Variants in CA5B observed in about 807,000 individuals in gnomAD.
The protein encoded by CA5B is carbonic anhydrase 5B, mitochondrial.
CA5B carries 15 observed loss-of-function variants against 23.1 expected under a neutral mutation model. The ratio of observed to expected loss-of-function variants is 0.65; its 90% CI spans 0.43 to 1.00. CA5B has a LOEUF of 1.00. Ranked by LOEUF, CA5B falls within the 50% of genes least tolerant of loss-of-function variation. The pLI is 0.00. For synonymous variants in CA5B, 84 were observed against 98.5 expected (o/e 0.85, Z 0.87); for missense variants, 236 against 252.2 (o/e 0.94, Z 0.43).
Position 15,744,314 on chromosome X carries a change from C to T in CA5B, c.-53-5657C>T, listed in dbSNP as rs754786328. The stretch of plus-strand genomic sequence containing the variant: ...TCATTTCCCAGATGTCTCTGAATGC[C>T]ATGCTAACAGGCCTCAGACCCACCC... On this transcript the variant is annotated intron_variant, in intron 1 of 7. Coordinates refer to ENST00000318636, the MANE Select transcript of CA5B (RefSeq NM_007220.4). Among the ~76,000 whole-genome samples the T allele has an allele frequency of 2.7e-5, 3 of 112,777 alleles. No homozygotes were observed. The South Asian group carries it at 1.1e-3, about 41-fold the overall frequency.
rs958237406 is a variant in CA5B, at chrX:15,772,559, C to T, written c.404C>T (p.Ala135Val). 6 of 1,207,556 alleles carry T rather than the reference C, an allele frequency of 5.0e-6. No homozygotes were observed. Among genetic ancestry groups the T allele is most frequent in the Non-Finnish European group, 6.7e-6 (6 of 892,438 alleles). Residue 135 changes from alanine to valine, a missense_variant, in exon 4 of 8, where the codon GCC (alanine) becomes GTC (valine). This residue lies in a region of CA5B where 170 missense variants were observed against 162.0 expected (regional missense o/e 1.05). Coordinates refer to ENST00000318636, the MANE Select transcript of CA5B (RefSeq NM_007220.4). Reference sequence around the variant, plus strand: ...AAGCAGTTCCATTTTCACTGGGGGGCCATCGATGCCTGGGGTTCTGAGCAC... The same window carrying T: ...AAGCAGTTCCATTTTCACTGGGGGGTCATCGATGCCTGGGGTTCTGAGCAC... Reference protein sequence around the residue: ...RLKQFHFHWGAIDAWGSEHTV... With the variant: ...RLKQFHFHWGVIDAWGSEHTV...
chrX:15,748,892 A>T (rs190264882), intron 1 of CA5B, among the ~76,000 whole-genome samples: 1 of 111,501 alleles, frequency 9.0e-6, no homozygotes, highest in East Asian at 2.8e-4. Flanking sequence ...TCTATGAAAA[A>T]TACAAAAAAG....
chrX:15,760,663 A>G (rs1262188628), intron 2 of CA5B, among the ~76,000 whole-genome samples: 2 of 111,440 alleles, frequency 1.8e-5, no homozygotes, highest in East Asian at 5.7e-4. Flanking sequence ...TTGTCACAGG[A>G]GACCCTCATT....
chrX:15,769,440 T>C, intron 3 of CA5B: 1 of 746,454 alleles, frequency 1.3e-6, no homozygotes, highest in Non-Finnish European at 1.6e-6. Flanking sequence ...CCCTGGATGA[T>C]CCCTGTCAAT....
chrX:15,767,451 G>T (rs1931730859), intron 3 of CA5B, among the ~76,000 whole-genome samples: 1 of 108,722 alleles, frequency 9.2e-6, no homozygotes, highest in Non-Finnish European at 1.9e-5. Flanking sequence ...GTCCAGGCTG[G>T]AGTGCAGTGG....
At chrX:15,741,609 C>T (rs1248075276) in intron 1 of CA5B, among the ~76,000 whole-genome samples, 1 of 109,712 alleles carries the variant, frequency 9.1e-6, no homozygotes, top group Non-Finnish European at 1.9e-5. Context: ...CTCCCGAGTA[C>T]AGGCGCCCGC....
intron 3 of CA5B, among the ~76,000 whole-genome samples, chrX:15,766,598 A>G (rs1202184869): frequency 2.7e-5 from 3 of 111,147 alleles, no homozygotes; most frequent in Admixed American, 9.6e-5. Context: ...GTGTTTCATT[A>G]TATTGTTTCT....
At chrX:15,768,461 A>G (rs1229147434) in intron 3 of CA5B, among the ~76,000 whole-genome samples, 1 of 112,407 alleles carries the variant, frequency 8.9e-6, no homozygotes, top group Non-Finnish European at 1.9e-5. Context: ...TCAGTCACAC[A>G]CTTACAAAAT....
rs1319682633 is a variant in CA5B at position 15,788,207 on chromosome X, A to C, written c.*5543A>C. 3 of 111,852 alleles carry C rather than the reference A, an allele frequency of 2.7e-5. No homozygotes were observed. Among genetic ancestry groups the C allele is most frequent in the African/African-American group, 9.7e-5 (3 of 30,780 alleles). 9.2% of individuals were successfully genotyped at this position (111,852 alleles called of 1,213,427 possible). On this transcript the variant is annotated 3_prime_UTR_variant, in exon 8 of 8. Transcript: ENST00000318636. Reference sequence around the variant, plus strand: ...TGTAGTAAACCATGATAGATGTTATAAAAGGTGGAATACTTGTACTGGAAA... The same window carrying C: ...TGTAGTAAACCATGATAGATGTTATCAAAGGTGGAATACTTGTACTGGAAA...
intron 2 of CA5B, among the ~76,000 whole-genome samples, chrX:15,757,111 C>G (rs976855026): frequency 9.2e-6 from 1 of 109,002 alleles, no homozygotes; most frequent in Middle Eastern, 4.4e-3. Flanking sequence ...TGCAGTGGCT[C>G]ACACCTGTAA....
At chrX:15,740,201 C>G (rs1330045395) in intron 1 of CA5B, among the ~76,000 whole-genome samples, 3 of 111,972 alleles carry the variant, frequency 2.7e-5, no homozygotes, top group Non-Finnish European at 5.6e-5. Context: ...ACACAGAAAG[C>G]TCCCCTGTAG....
chrX:15,745,015 A>G (rs1172796275), intron 1 of CA5B, among the ~76,000 whole-genome samples: 1 of 109,291 alleles, frequency 9.1e-6, no homozygotes, highest in Non-Finnish European at 1.9e-5. Flanking sequence ...CTAAAAATAC[A>G]GAAATTAGCC....
chrX:15,768,145 C>T (rs1057055509), intron 3 of CA5B, among the ~76,000 whole-genome samples: 18 of 110,621 alleles, frequency 1.6e-4, no homozygotes, highest in African/African-American at 5.6e-4. Flanking sequence ...GATCTGCCCA[C>T]CTTGGCCTCC....
chrX:15,776,676 T>A lies in CA5B; in HGVS notation c.619-38T>A. 3.5e-6 allele frequency: 4 copies of A among 1,142,228 alleles called. No homozygotes were observed. The Admixed American group carries it at 8.8e-5, about 25-fold the overall frequency. The allele number at this position is 1,142,228 out of a possible 1,213,427, so 94.1% of individuals were successfully genotyped here. On this transcript the variant is annotated intron_variant, in intron 6 of 7. Transcript: ENST00000318636. ...CGTCCAATTCCTGAGTGGTTTTCAC[T>A]ACTAAATAATGACTCGGTTATCTCT...
chrX:15,739,537 A>C (rs1931076476), intron 1 of CA5B, among the ~76,000 whole-genome samples: 1 of 110,265 alleles, frequency 9.1e-6, no homozygotes, highest in South Asian at 3.9e-4. Context: ...GTGCCTGTAC[A>C]CACCTGCCCT....
chrX:15,774,433 A>G (rs1223705890), intron 5 of CA5B, 36 bp downstream of exon 5: 8 of 861,562 alleles, frequency 9.3e-6, no homozygotes, highest in African/African-American at 2.0e-5. Context: ...GACGTGTTGT[A>G]TTCTAGGATG....
At chrX:15,758,856 A>G (rs1002627607) in intron 2 of CA5B, among the ~76,000 whole-genome samples, 1 of 111,836 alleles carries the variant, frequency 8.9e-6, no homozygotes, top group East Asian at 2.8e-4. Context: ...AAATCTTCCC[A>G]GTGATGCTCC....
intron 2 of CA5B, among the ~76,000 whole-genome samples, chrX:15,763,534 A>C (rs1209578125): frequency 8.9e-6 from 1 of 112,352 alleles, no homozygotes; most frequent in Non-Finnish European, 1.9e-5. Flanking sequence ...AGATGCCAAA[A>C]TGCTATTCCT....
At chrX:15,753,366 GA>G (rs1931418300) in intron 2 of CA5B, among the ~76,000 whole-genome samples, 1 of 112,566 alleles carries the variant, frequency 8.9e-6, no homozygotes, top group African/African-American at 3.2e-5. Flanking sequence ...GAAGTCAACT[GA>G]AAGAAATGCT....
Sources: allele counts gnomAD v4.1 joint callset (sites outside exome capture counted in the v4.1 genomes callset), GRCh38; gene constraint gnomAD v4.1.1; regional missense constraint gnomAD v4.1.1; transcripts MANE v1.5; gene names NCBI Gene and HGNC (gene_info 2026-07-23, HGNC 2026-07-21).